Variants in LYST observed in about 807,000 individuals in gnomAD.
The protein encoded by LYST is lysosomal-trafficking regulator.
A neutral mutation model predicts 413.6 loss-of-function variants in LYST; 192 were observed. The observed-to-expected ratio is 0.46, with a 90% CI of 0.41 to 0.52. The LOEUF (loss-of-function observed/expected upper bound fraction) is 0.52, where lower values mean the gene tolerates loss of function less well. LYST is among the 20% of genes least tolerant of loss of function. The pLI, the probability that LYST is intolerant of heterozygous loss-of-function variation, is 0.00. For synonymous variants in LYST, 1,525 were observed against 1,567.3 expected, an observed-to-expected ratio of 0.97 and a Z score of 0.64; for missense variants, 3,815 against 4,499.9, an observed-to-expected ratio of 0.85 and a Z score of 4.35.
chr1:235,878,770 T>C (rs1296556593), intron 1 of LYST, among the ~76,000 whole-genome samples: 1 of 152,220 alleles, frequency 6.6e-6, no homozygotes, highest in African/African-American at 2.4e-5. Flanking sequence ...ACACCATATT[T>C]ACTGGCAGCT....
intron 14 of LYST, among the ~76,000 whole-genome samples, chr1:235,785,837 T>C (rs1329812249): frequency 6.6e-6 from 1 of 152,234 alleles, no homozygotes. Context: ...AAATCGAAGA[T>C]ACCTTATAGT....
chr1:235,693,722 T>G (rs926706218), intron 46 of LYST, among the ~76,000 whole-genome samples: 1 of 152,238 alleles, frequency 6.6e-6, no homozygotes, highest in Admixed American at 6.5e-5. Context: ...GGGATTTGTT[T>G]GACTCAGAAC....
At chr1:235,833,723 AGTT>A in intron 1 of LYST, 56 bp from the exon 2 acceptor site, 1 of 317,936 alleles carries the variant, frequency 3.1e-6, no homozygotes, top group Non-Finnish European at 4.6e-6. Context: ...ATTTTAACAA[AGTT>A]GTGACATAAT....
At chr1:235,756,381 C>T (rs1396450611) in intron 24 of LYST, among the ~76,000 whole-genome samples, 1 of 152,198 alleles carries the variant, frequency 6.6e-6, no homozygotes, top group Non-Finnish European at 1.5e-5. Context: ...CAGTACTCAT[C>T]ACAGAATTTC....
intron 31 of LYST, among the ~76,000 whole-genome samples, chr1:235,740,201 A>G (rs1665233307): frequency 6.6e-6 from 1 of 152,222 alleles, no homozygotes; most frequent in South Asian, 2.1e-4. Context: ...TCCTAATATG[A>G]TATGTGTTTT....
chr1:235,738,423 T>G, intron 31 of LYST: 1 of 1,613,506 alleles, frequency 6.2e-7, no homozygotes, highest in Non-Finnish European at 8.5e-7. Flanking sequence ...CCAGTGGATA[T>G]CTTTGACCTA....
chr1:235,847,378 C>T (rs1000641792), intron 1 of LYST, among the ~76,000 whole-genome samples: 2 of 152,134 alleles, frequency 1.3e-5, no homozygotes, highest in Non-Finnish European at 2.9e-5. Context: ...CTAAAAGGAG[C>T]TCCAAGTCTT....
intron 40 of LYST, among the ~76,000 whole-genome samples, chr1:235,717,405 T>G (rs1048359659): frequency 6.6e-6 from 1 of 152,198 alleles, no homozygotes; most frequent in Non-Finnish European, 1.5e-5. Flanking sequence ...GGTGTTCACA[T>G]TCTGTGAACA....
rs1571974836 is a variant in LYST at position 235,677,124 on chromosome 1, T to C, written c.11005A>G (p.Thr3669Ala). ...SPVTAVSASE[T>A]SGDIATVCDS... Reference sequence around the variant, plus strand: ...CACACAGTAGCAATATCACCTGAGGTTTCACTGGCAGAGACAGCTGTGACA... The same window carrying C: ...CACACAGTAGCAATATCACCTGAGGCTTCACTGGCAGAGACAGCTGTGACA... Residue 3669 changes from threonine to alanine, a missense_variant, in exon 50 of 53, where the codon ACC becomes GCC. Thr to Ala is a moderately conservative substitution (Grantham distance 58). Coordinates refer to ENST00000389793, the MANE Select transcript of LYST (RefSeq NM_000081.4). The C allele has an allele frequency of 6.2e-7, 1 of 1,613,896 alleles. No homozygotes were observed.
At chr1:235,736,768 T>C (rs1664856969) in intron 31 of LYST, 1 of 152,166 alleles carries the variant, frequency 6.6e-6, no homozygotes, top group Non-Finnish European at 1.5e-5. Flanking sequence ...TTGCTATCTT[T>C]CTTTGTGTTA....
At chr1:235,682,748 ATATTAAC>A (rs1192309183) in intron 48 of LYST, among the ~76,000 whole-genome samples, 1 of 152,236 alleles carries the variant, frequency 6.6e-6, no homozygotes, top group Non-Finnish European at 1.5e-5. Flanking sequence ...CAGTCAGTAA[ATATTAAC>A]TATTATTTTT....
chr1:235,783,104 A>G (rs1052998905), intron 14 of LYST, among the ~76,000 whole-genome samples: 1 of 152,152 alleles, frequency 6.6e-6, no homozygotes, highest in African/African-American at 2.4e-5. Flanking sequence ...ATTTTAAGAT[A>G]ATGAGAGTAA....
intron 16 of LYST, among the ~76,000 whole-genome samples, chr1:235,779,255 T>C (rs538703709): frequency 6.6e-6 from 1 of 152,362 alleles, no homozygotes; most frequent in African/African-American, 2.4e-5. Context: ...TCTCTAAAAA[T>C]AGTTTTCACA....
At chr1:235,697,843 A>G (rs1490586407) in intron 45 of LYST, among the ~76,000 whole-genome samples, 2 of 152,232 alleles carry the variant, frequency 1.3e-5, no homozygotes, top group African/African-American at 2.4e-5. Context: ...TCTAGCCAGT[A>G]CTAGAGAAGA....
At chr1:235,833,289 C>T (rs1047652325) in intron 2 of LYST, among the ~76,000 whole-genome samples, 1 of 151,496 alleles carries the variant, frequency 6.6e-6, no homozygotes, top group Non-Finnish European at 1.5e-5. Context: ...ATTTAAAGTA[C>T]CCAGAAACAA....
At chr1:235,773,201 C>A (rs1668883221) in intron 19 of LYST, among the ~76,000 whole-genome samples, 1 of 151,934 alleles carries the variant, frequency 6.6e-6, no homozygotes, top group African/African-American at 2.4e-5. Flanking sequence ...CATCTGTGGT[C>A]CCAGCTACTT....
In LYST at chr1:235,712,946, C is replaced by T. The variant is rs74148754; in HGVS notation, c.9785-749G>A. ...ATATCCAAAAGCTAGCCTCTGAAAA[C>T]AGTAGCAGTTTACATGTTTCTTAGG... On this transcript the variant is annotated intron_variant, in intron 42 of 52. Transcript: ENST00000389793. 425 of 985,376 alleles carry T rather than the reference C, an allele frequency of 4.3e-4. 1 individual carries two copies. In the African/African-American group the frequency reaches 5.7e-3, roughly 13 times the overall value. The allele number at this position is 985,376 out of a possible 1,614,324, so 61.0% of individuals were successfully genotyped here.
chr1:235,814,604 G>C (rs973585632), intron 3 of LYST, among the ~76,000 whole-genome samples: 2 of 152,158 alleles, frequency 1.3e-5, no homozygotes, highest in African/African-American at 4.8e-5. Context: ...TGTGTGACAT[G>C]ATGGCCGAAA....
chr1:235,713,244 T>C, intron 42 of LYST: 5 of 952,012 alleles, frequency 5.3e-6, no homozygotes, highest in Non-Finnish European at 5.0e-6. Context: ...CTTAAAGAAA[T>C]ACCTACTAAC....
Sources: allele counts gnomAD v4.1 joint callset (sites outside exome capture counted in the v4.1 genomes callset), GRCh38; gene constraint gnomAD v4.1.1; transcripts MANE v1.5; gene names NCBI Gene and HGNC (gene_info 2026-07-23, HGNC 2026-07-21).